Variants in HERC3 observed in about 807,000 individuals in gnomAD.
The protein encoded by HERC3 is HECT and RLD domain containing E3 ubiquitin protein ligase 3, also known as probable E3 ubiquitin-protein ligase HERC3.
A neutral mutation model predicts 129.9 loss-of-function variants in HERC3; 58 were observed. That is an observed-to-expected ratio of 0.45 (90% CI 0.36 to 0.56). The LOEUF (loss-of-function observed/expected upper bound fraction) is 0.56, where lower values mean the gene tolerates loss of function less well. HERC3 is among the 20% of genes least tolerant of loss of function. The pLI is 0.00. For missense variants in HERC3, 835 were observed against 1,244.2 expected, an observed-to-expected ratio of 0.67 and a Z score of 4.95; for synonymous variants, 430 against 451.0, an observed-to-expected ratio of 0.95 and a Z score of 0.59.
intron 4 of HERC3, 54 bp from the exon 5 acceptor site, chr4:88,651,958 A>T: frequency 8.6e-7 from 1 of 1,162,212 alleles, no homozygotes; most frequent in Non-Finnish European, 1.3e-6. Flanking sequence ...TATTTCTGAT[A>T]ATTGTGTTTG....
chr4:88,675,153 T>C (rs1382105333), intron 16 of HERC3, among the ~76,000 whole-genome samples: 1 of 152,204 alleles, frequency 6.6e-6, no homozygotes, highest in South Asian at 2.1e-4. Context: ...TGTCAGGCCC[T>C]GGTGCTTGAG....
the HERC3 span, among the ~76,000 whole-genome samples, chr4:88,550,614 G>A: frequency 1.1e-4 from 17 of 152,102 alleles, no homozygotes; most frequent in African/African-American, 2.7e-4. Flanking sequence ...ACTACAAACC[G>A]CTGCTCAATG....
At chr4:88,681,124 T>G (rs1429871828) in intron 20 of HERC3, 35 bp from the exon 21 acceptor site, 2 of 1,551,902 alleles carry the variant, frequency 1.3e-6, no homozygotes, top group Admixed American at 2.1e-5. Context: ...AAACATTGCA[T>G]TTCTTTTTAA....
At chr4:88,633,275 G>T (rs1056576964) in intron 3 of HERC3, among the ~76,000 whole-genome samples, 2 of 152,150 alleles carry the variant, frequency 1.3e-5, no homozygotes, top group Admixed American at 6.5e-5. Flanking sequence ...AGGAATAGTG[G>T]CACATCAAGA....
In HERC3 at chr4:88,653,100, C is replaced by T. The variant is rs758754266; in HGVS notation, c.685+10C>T. ...CTCAGTGATGAAAAAGGTAGGTAAACCCTTCATATGTATGTATTTAGTTTA... is the reference window on the plus strand; with the variant it reads ...CTCAGTGATGAAAAAGGTAGGTAAATCCTTCATATGTATGTATTTAGTTTA... On this transcript the variant is annotated intron_variant, in intron 6 of 25. Transcript: ENST00000402738. The T allele has an allele frequency of 9.3e-6, 15 of 1,612,532 alleles. No individual in the cohort carries two copies. In the East Asian group the frequency reaches 3.1e-4, roughly 34 times the overall value.
chr4:88,707,203 T>C lies in HERC3; in HGVS notation c.*243T>C, dbSNP rs1735856272. The C allele has an allele frequency of 4.0e-6, 2 of 502,600 alleles. No homozygotes were observed. Among genetic ancestry groups the C allele is most frequent in the Non-Finnish European group, 7.2e-6 (2 of 278,626 alleles). The allele number at this position is 502,600 out of a possible 1,614,324, so 31.1% of individuals were successfully genotyped here. A position where few individuals can be genotyped will look rare whatever the true frequency, so the allele number is the denominator to read the frequency against. On this transcript the variant is annotated 3_prime_UTR_variant, in exon 26 of 26. Coordinates refer to ENST00000402738, the MANE Select transcript of HERC3 (RefSeq NM_014606.3). ...ATGGGAGGTGTTTTTGTTTTTGTTT[T>C]AAACCAAACTACCCAGTATTCCTTG...
the HERC3 span, among the ~76,000 whole-genome samples, chr4:88,531,458 C>T: frequency 6.6e-6 from 1 of 152,114 alleles, no homozygotes; most frequent in Non-Finnish European, 1.5e-5. Context: ...AAATATATCA[C>T]AAGAAAATAT....
chr4:88,616,085 T>A (rs2149212192), intron 3 of HERC3, among the ~76,000 whole-genome samples: 1 of 152,358 alleles, frequency 6.6e-6, no homozygotes, highest in South Asian at 2.1e-4. Flanking sequence ...GACATTCAGC[T>A]GAGGAAGATG....
rs558927566 is a variant in HERC3 at position 88,606,253 on chromosome 4, CTT to C, written c.226+219_226+220del. On this transcript the variant is annotated intron_variant, in intron 3 of 25. Coordinates refer to ENST00000402738, the MANE Select transcript of HERC3 (RefSeq NM_014606.3). ...GAAAAGCAGACTTTTCTTTTCTTTT[CTT>C]TTTTTTTTTTTTTTGAGATATGGTC... is the stretch of plus-strand genomic sequence containing the variant. 2.0e-3 allele frequency among the ~76,000 whole-genome samples: 272 copies of C among 135,302 alleles called. 1 individual carries two copies. The highest frequency in any genetic ancestry group is 6.5e-3 in the African/African-American group (239 of 36,516). The allele number at this position is 135,302 out of a possible 152,430, so 88.8% of individuals were successfully genotyped here.
intron 3 of HERC3, among the ~76,000 whole-genome samples, chr4:88,631,487 C>G (rs111475956): frequency 6.6e-6 from 1 of 152,120 alleles, no homozygotes; most frequent in Non-Finnish European, 1.5e-5. Context: ...ACTGTAAATT[C>G]TTATCATAAC....
In HERC3 at chr4:88,708,513, C is replaced by T. The variant is rs955833407; in HGVS notation, c.*1553C>T. The T allele has an allele frequency of 1.3e-5, 2 of 152,358 alleles. No individual in the cohort carries two copies. Among genetic ancestry groups the T allele is most frequent in the Non-Finnish European group, 2.9e-5 (2 of 68,006 alleles). 9.4% of individuals were successfully genotyped at this position (152,358 alleles called of 1,614,324 possible). A position where few individuals can be genotyped will look rare whatever the true frequency, so the allele number is the denominator to read the frequency against. ...TGTGTGCATATAGTTCAATATTATG[C>T]AATAAATTTGGTGTTTTAACTTAAA... On this transcript the variant is annotated 3_prime_UTR_variant, in exon 26 of 26. Transcript: ENST00000402738.
the HERC3 span, among the ~76,000 whole-genome samples, chr4:88,553,829 C>T: frequency 3.9e-5 from 6 of 152,174 alleles, no homozygotes; most frequent in South Asian, 2.1e-4. Context: ...AGCCACTGCG[C>T]GGCCACCATA....
chr4:88,582,739 C>T, the HERC3 span, among the ~76,000 whole-genome samples: 5 of 152,304 alleles, frequency 3.3e-5, no homozygotes, highest in East Asian at 7.7e-4. Flanking sequence ...AACCTTTGTT[C>T]GCAGTGCAGT....
At chr4:88,534,571 G>C in the HERC3 span, among the ~76,000 whole-genome samples, 1 of 151,778 alleles carries the variant, frequency 6.6e-6, no homozygotes, top group Non-Finnish European at 1.5e-5. Context: ...ATACTGCAAG[G>C]CTTTTTTTCC....
At position 88,702,471 on chromosome 4, in the gene HERC3, C is replaced by A. The variant is rs191461361; in HGVS notation, c.2658-1627C>A. Among the ~76,000 whole-genome samples the A allele has an allele frequency of 8.1e-4, 123 of 152,250 alleles. 1 individual carries two copies. The highest frequency in any genetic ancestry group is 2.9e-3 in the African/African-American group (120 of 41,556). On this transcript the variant is annotated intron_variant, in intron 23 of 25. Coordinates refer to ENST00000402738, the MANE Select transcript of HERC3 (RefSeq NM_014606.3). ...GTTAAAACACAACTTACATAAATGC[C>A]ATCATATTTTACTGAACATGCAAAT...
At chr4:88,699,087 T>C (rs1735028539) in intron 23 of HERC3, among the ~76,000 whole-genome samples, 1 of 1,886 alleles carries the variant, frequency 5.3e-4, no homozygotes, top group Non-Finnish European at 1.3e-3. Context: ...ACCCTCTTCT[T>C]CCTCACGCTC....
chr4:88,674,109 G>A (rs1234551491), intron 16 of HERC3, among the ~76,000 whole-genome samples: 12 of 152,110 alleles, frequency 7.9e-5, no homozygotes, highest in Admixed American at 7.9e-4. Flanking sequence ...AGATCAGCCC[G>A]CTTCCAAATC....
intron 6 of HERC3, 69 bp from the exon 7 acceptor site, chr4:88,653,973 C>T: frequency 8.7e-7 from 1 of 1,155,570 alleles, no homozygotes; most frequent in Non-Finnish European, 1.3e-6. Context: ...AAATTCATGC[C>T]AAGATAGTTG....
At chr4:88,607,365 AG>A (rs1453292832) in intron 3 of HERC3, among the ~76,000 whole-genome samples, 1 of 152,224 alleles carries the variant, frequency 6.6e-6, no homozygotes, top group Non-Finnish European at 1.5e-5. Flanking sequence ...CTGGAAAGGT[AG>A]GGGGACTAAT....
Sources: gnomAD v4.1 joint callset for allele counts (sites outside exome capture counted in the v4.1 genomes callset) on GRCh38, gnomAD v4.1.1 for gene constraint, MANE v1.5 for transcripts, NCBI Gene and HGNC (gene_info 2026-07-23, HGNC 2026-07-21) for gene names.